Variants in ARHGEF26 observed in about 807,000 individuals in gnomAD.
The protein encoded by ARHGEF26 is Rho guanine nucleotide exchange factor (GEF) 26.
ARHGEF26 carries 59 observed loss-of-function variants against 89.4 expected under a neutral mutation model. That is an observed-to-expected ratio of 0.66 (90% CI 0.54 to 0.82). ARHGEF26 has a LOEUF of 0.82. Ranked by LOEUF, ARHGEF26 falls within the 40% of genes least tolerant of loss-of-function variation. ARHGEF26 has a pLI of 0.00. For missense variants in ARHGEF26, 1,234 were observed against 1,085.6 expected, an observed-to-expected ratio of 1.14 and a Z score of -1.92; for synonymous variants, 500 against 428.4, an observed-to-expected ratio of 1.17 and a Z score of -2.06.
At chr3:154,159,963 T>G (rs944856438) in intron 6 of ARHGEF26, among the ~76,000 whole-genome samples, 4 of 152,150 alleles carry the variant, frequency 2.6e-5, no homozygotes, top group Non-Finnish European at 5.9e-5. Context: ...AAATGTTATT[T>G]TCTTACTCCA....
intron 6 of ARHGEF26, among the ~76,000 whole-genome samples, chr3:154,161,181 A>G (rs1251253521): frequency 1.3e-5 from 2 of 151,896 alleles, no homozygotes; most frequent in African/African-American, 4.8e-5. Flanking sequence ...AGTGATTGGC[A>G]TAGTATAGGT....
rs531919927 is a variant in ARHGEF26 at position 154,253,151 on chromosome 3, A to G, written c.2336A>G (p.His779Arg). The G allele has an allele frequency of 1.2e-5, 20 of 1,613,928 alleles. No individual in the cohort carries two copies. The highest frequency in any genetic ancestry group is 1.2e-4 in the African/African-American group (9 of 74,944). Residue 779 changes from histidine (H) to arginine (R), a missense_variant, in exon 13 of 15, where the codon CAC becomes CGC. Coordinates refer to ENST00000465093, the MANE Select transcript of ARHGEF26 (RefSeq NM_015595.4). ...ERARWITALG[H>R]SSGKPPADRT... The stretch of plus-strand genomic sequence containing the variant: ...GCCCGCTGGATAACTGCCCTGGGAC[A>G]CAGCAGCGGGAAGCCGCCTGCAGAC...
intron 11 of ARHGEF26, among the ~76,000 whole-genome samples, chr3:154,239,273 A>G (rs796300183): frequency 0.012 from 1,182 of 95,064 alleles, 38 homozygotes; most frequent in African/African-American, 0.045. Flanking sequence ...AGAGAGAGAG[A>G]GAGAGAGAGA....
intron 6 of ARHGEF26, among the ~76,000 whole-genome samples, chr3:154,161,334 CAT>C (rs1335287410): frequency 1.5e-5 from 1 of 68,376 alleles, no homozygotes; most frequent in African/African-American, 6.1e-5. Flanking sequence ...ATTTTAGTAA[CAT>C]GTTAGGCAAG....
rs1051332315 is a variant in ARHGEF26, at chr3:154,257,026, G to C, written c.*1553G>C. 6.1e-6 allele frequency: 9 copies of C among 1,471,500 alleles called. No homozygotes were observed. In the African/African-American group the frequency reaches 1.3e-4, roughly 21 times the overall value. The allele number at this position is 1,471,500 out of a possible 1,614,324, so 91.2% of individuals were successfully genotyped here. On this transcript the variant is annotated 3_prime_UTR_variant, in exon 15 of 15. Transcript: ENST00000465093. ...ACCTGGCAAAGTGTACATTATTGGA[G>C]GACTCAAATCTGTATGTGACATGTC... is the stretch of plus-strand genomic sequence containing the variant.
At chr3:154,221,596 TTAAA>T (rs1457961883) in intron 10 of ARHGEF26, among the ~76,000 whole-genome samples, 7 of 152,272 alleles carry the variant, frequency 4.6e-5, no homozygotes, top group Admixed American at 3.3e-4. Flanking sequence ...AGAGGATTAA[TTAAA>T]TAAATTATAG....
At position 154,173,560 on chromosome 3, in the gene ARHGEF26, T is replaced by C. The variant is rs555124734; in HGVS notation, c.1488-14125T>C. Among the ~76,000 whole-genome samples the C allele has an allele frequency of 3.9e-5, 6 of 152,356 alleles. No homozygotes were observed. The South Asian group carries it at 8.3e-4, about 21-fold the overall frequency. ...TACATTTGTCAACGTTTGATGCTAATTGCAGCAATTAATTCGTTCTTTAAT... is the reference window on the plus strand; with the variant it reads ...TACATTTGTCAACGTTTGATGCTAACTGCAGCAATTAATTCGTTCTTTAAT... On this transcript the variant is annotated intron_variant, in intron 6 of 14. Transcript: ENST00000465093.
rs78640292 is a variant in ARHGEF26 at position 154,131,298 on chromosome 3, G to A, written c.1269+1579G>A. Among the ~76,000 whole-genome samples, 6 of 152,224 alleles carry A rather than the reference G, an allele frequency of 3.9e-5. No homozygotes were observed. The East Asian group carries it at 5.8e-4, about 15-fold the overall frequency. On this transcript the variant is annotated intron_variant, in intron 4 of 14. Coordinates refer to ENST00000465093, the MANE Select transcript of ARHGEF26 (RefSeq NM_015595.4). ...TGTTCTGATAATTAGAAAAGAGAAT[G>A]TACAAATCCAGACTTTTATGAGTAT...
chr3:154,220,143 TATTTA>T (rs1281383844), intron 10 of ARHGEF26, among the ~76,000 whole-genome samples: 1 of 152,250 alleles, frequency 6.6e-6, no homozygotes, highest in Non-Finnish European at 1.5e-5. Context: ...TGGACATTTC[TATTTA>T]ATTTATTTTA....
At chr3:154,232,574 G>A (rs1716886552) in intron 11 of ARHGEF26, among the ~76,000 whole-genome samples, 1 of 152,026 alleles carries the variant, frequency 6.6e-6, no homozygotes, top group Non-Finnish European at 1.5e-5. Flanking sequence ...TAATTATCAG[G>A]CTTTTAACAA....
chr3:154,203,160 A>T (rs2108215676), intron 9 of ARHGEF26, among the ~76,000 whole-genome samples: 1 of 152,240 alleles, frequency 6.6e-6, no homozygotes, highest in South Asian at 2.1e-4. Flanking sequence ...CTTATTATTT[A>T]GAGATACGTC....
chr3:154,136,592 C>T (rs1015937083), intron 4 of ARHGEF26, among the ~76,000 whole-genome samples: 1 of 152,200 alleles, frequency 6.6e-6, no homozygotes, highest in Non-Finnish European at 1.5e-5. Flanking sequence ...TTAGAATTTA[C>T]TCTGTGCTTA....
At chr3:154,164,608 C>T (rs1711883890) in intron 6 of ARHGEF26, among the ~76,000 whole-genome samples, 1 of 152,052 alleles carries the variant, frequency 6.6e-6, no homozygotes, top group South Asian at 2.1e-4. Context: ...CCCTTTGTAA[C>T]AAGAAAAACT....
rs1402042469 is a variant in ARHGEF26, at chr3:154,250,841, G to T, written c.2301-2275G>T. ...TCCACTTGAGCCTGTGTAAAAAATA[G>T]ATCTTATTCCCAATAAAGACATCAT... On this transcript the variant is annotated intron_variant, in intron 12 of 14. Transcript: ENST00000465093. Among the ~76,000 whole-genome samples the T allele has an allele frequency of 3.3e-5, 5 of 152,172 alleles. No homozygotes were observed. The East Asian group carries it at 9.6e-4, about 29-fold the overall frequency.
intron 9 of ARHGEF26, among the ~76,000 whole-genome samples, chr3:154,204,829 C>T (rs1714913461): frequency 6.6e-6 from 1 of 152,048 alleles, no homozygotes; most frequent in African/African-American, 2.4e-5. Flanking sequence ...GTACACGTTC[C>T]AAAATTCCTG....
chr3:154,130,931 C>T (rs371634837), intron 4 of ARHGEF26, among the ~76,000 whole-genome samples: 7 of 152,190 alleles, frequency 4.6e-5, no homozygotes, highest in East Asian at 3.9e-4. Flanking sequence ...TGTATGTAAA[C>T]GGTGGGAGAC....
In ARHGEF26 at chr3:154,122,234, C is replaced by G. The variant is rs1191740871; in HGVS notation, c.242C>G (p.Pro81Arg). The stretch of plus-strand genomic sequence containing the variant: ...GACAGCAGGACGGTACATAGGAGCC[C>G]CCTGCTTCTGGGCGCCCAGCGGAGA... ...ASDSRTVHRS[P>R]LLLGAQRRAV... Residue 81 changes from proline to arginine, a missense_variant, in exon 2 of 15, where the codon CCC becomes CGC. Coordinates refer to ENST00000465093, the MANE Select transcript of ARHGEF26 (RefSeq NM_015595.4). 2 of 1,610,358 alleles carry G rather than the reference C, an allele frequency of 1.2e-6. No individual in the cohort carries two copies. Among genetic ancestry groups the G allele is most frequent in the Middle Eastern group, 1.7e-4 (1 of 6,056 alleles).
Position 154,143,823 on chromosome 3 carries a change from TTC to T in ARHGEF26, c.1270-5564_1270-5563del, listed in dbSNP as rs371163076. Among the ~76,000 whole-genome samples the T allele has an allele frequency of 8.7e-4, 132 of 152,346 alleles. 1 individual carries two copies. The South Asian group carries it at 0.021, about 24-fold the overall frequency. On this transcript the variant is annotated intron_variant, in intron 4 of 14. Transcript: ENST00000465093. Reference sequence around the variant, plus strand: ...ATTTATTCCCTTTCATCCTTGTTACTTCTGTGTCATTAGCTTTTCATGTATTT... The same window carrying T: ...ATTTATTCCCTTTCATCCTTGTTACTTGTGTCATTAGCTTTTCATGTATTT...
chr3:154,251,575 A>G (rs967796721), intron 12 of ARHGEF26, among the ~76,000 whole-genome samples: 1 of 152,198 alleles, frequency 6.6e-6, no homozygotes, highest in African/African-American at 2.4e-5. Context: ...CCAGCAATAT[A>G]ATAGAATTGT....
Sources: gnomAD v4.1 joint callset for allele counts (sites outside exome capture counted in the v4.1 genomes callset) on GRCh38, gnomAD v4.1.1 for gene constraint, MANE v1.5 for transcripts, NCBI Gene and HGNC (gene_info 2026-07-23, HGNC 2026-07-21) for gene names.